GPC5: variants seen among roughly 807,000 people sequenced by gnomAD.
The protein encoded by GPC5 is glypican 5.
GPC5 carries 47 observed loss-of-function variants against 53.9 expected under a neutral mutation model. The ratio of observed to expected loss-of-function variants is 0.87; its 90% confidence interval spans 0.69 to 1.11. The LOEUF (loss-of-function observed/expected upper bound fraction) is 1.11. Ranked by LOEUF, GPC5 falls within the 50% of genes most tolerant of loss-of-function variation. The pLI is 0.00. For synonymous variants in GPC5, 286 were observed against 263.3 expected (o/e 1.09, Z -0.84); for missense variants, 748 against 713.1 (o/e 1.05, Z -0.56).
chr13:91,544,913 A>G (rs996760004), intron 2 of GPC5, among the ~76,000 whole-genome samples: 1 of 152,156 alleles, frequency 6.6e-6, no homozygotes, highest in African/African-American at 2.4e-5. Context: ...GCTTCCAGGA[A>G]GGCTCACTCA....
At chr13:92,252,190 T>A (rs2042697217) in intron 7 of GPC5, among the ~76,000 whole-genome samples, 1 of 152,112 alleles carries the variant, frequency 6.6e-6, no homozygotes, top group African/African-American at 2.4e-5. Context: ...GTACTTTTTT[T>A]AAAGAGAATA....
At chr13:92,444,064 T>A (rs528970860) in intron 7 of GPC5, among the ~76,000 whole-genome samples, 1 of 152,060 alleles carries the variant, frequency 6.6e-6, no homozygotes, top group African/African-American at 2.4e-5. Context: ...AATAATGGAG[T>A]TTGGTCGACC....
intron 4 of GPC5, among the ~76,000 whole-genome samples, chr13:91,742,581 T>G (rs975727672): frequency 6.6e-6 from 1 of 152,140 alleles, no homozygotes; most frequent in Non-Finnish European, 1.5e-5. Flanking sequence ...TTGCAGTTGG[T>G]CTTGGATGTG....
At chr13:92,012,411 C>T (rs2040669626) in intron 6 of GPC5, among the ~76,000 whole-genome samples, 1 of 152,044 alleles carries the variant, frequency 6.6e-6, no homozygotes, top group Admixed American at 6.6e-5. Flanking sequence ...AATTGTTTAT[C>T]ATCCTGATTT....
chr13:91,578,482 CA>C (rs1293135698), intron 2 of GPC5, among the ~76,000 whole-genome samples: 5 of 152,078 alleles, frequency 3.3e-5, no homozygotes, highest in African/African-American at 1.2e-4. Flanking sequence ...GGTAATTTCC[CA>C]GGATGTTCTT....
At chr13:91,567,532 G>T (rs1209766966) in intron 2 of GPC5, among the ~76,000 whole-genome samples, 2 of 152,156 alleles carry the variant, frequency 1.3e-5, no homozygotes, top group South Asian at 2.1e-4. Context: ...CTCAGGAGAG[G>T]TTTTTTAATA....
At chr13:91,704,479 C>T (rs2036056942) in intron 3 of GPC5, among the ~76,000 whole-genome samples, 1 of 152,172 alleles carries the variant, frequency 6.6e-6, no homozygotes, top group Non-Finnish European at 1.5e-5. Context: ...CATGGGGCCC[C>T]CAGGATCAGT....
At chr13:92,586,502 T>C (rs1883541838) in intron 7 of GPC5, among the ~76,000 whole-genome samples, 1 of 152,200 alleles carries the variant, frequency 6.6e-6, no homozygotes, top group Non-Finnish European at 1.5e-5. Context: ...GTTGTCCTGA[T>C]GAAATTTTGC....
At chr13:92,773,227 A>G (rs1387850679) in intron 7 of GPC5, among the ~76,000 whole-genome samples, 1 of 152,192 alleles carries the variant, frequency 6.6e-6, no homozygotes, top group Non-Finnish European at 1.5e-5. Context: ...ACATGTTTTA[A>G]TGGTAGGGCT....
intron 7 of GPC5, among the ~76,000 whole-genome samples, chr13:92,408,675 G>C (rs1367812719): frequency 6.6e-6 from 1 of 151,308 alleles, no homozygotes; most frequent in Non-Finnish European, 1.5e-5. Context: ...ATATGTATAT[G>C]TATTTATATA....
intron 2 of GPC5, among the ~76,000 whole-genome samples, chr13:91,650,393 C>T (rs957359694): frequency 1.3e-5 from 2 of 150,596 alleles, no homozygotes; most frequent in African/African-American, 2.5e-5. Context: ...AGTATGTAAA[C>T]TTGTAGTATA....
intron 6 of GPC5, among the ~76,000 whole-genome samples, chr13:91,972,121 A>C (rs552909870): frequency 0.017 from 2,621 of 151,976 alleles, 82 homozygotes; most frequent in African/African-American, 0.058. Flanking sequence ...GTAGGTCACT[A>C]AGGACTTGCT....
At chr13:91,470,575 G>A (rs1420530263) in intron 2 of GPC5, among the ~76,000 whole-genome samples, 3 of 152,120 alleles carry the variant, frequency 2.0e-5, no homozygotes, top group African/African-American at 7.2e-5. Context: ...GCATTATTCT[G>A]AATCATGCAA....
At position 92,541,230 on chromosome 13, in the gene GPC5, T is replaced by C. The variant is rs188056821; in HGVS notation, c.1562-325052T>C. On this transcript the variant is annotated intron_variant, in intron 7 of 7. Coordinates refer to ENST00000377067, the MANE Select transcript of GPC5 (RefSeq NM_004466.6). The stretch of plus-strand genomic sequence containing the variant: ...GCGTGTAAGGTGGTACATGAAAATG[T>C]AGAAATTGAATCCCTTGGGTGTTAC... 5.9e-5 allele frequency among the ~76,000 whole-genome samples: 9 copies of C among 151,966 alleles called. No homozygotes were observed. The East Asian group carries it at 1.7e-3, about 29-fold the overall frequency.
intron 1 of GPC5, among the ~76,000 whole-genome samples, chr13:91,411,714 A>G (rs1566372419): frequency 6.6e-6 from 1 of 152,196 alleles, no homozygotes; most frequent in Non-Finnish European, 1.5e-5. Context: ...TAGCTAGGGA[A>G]TATTGCATGA....
intron 7 of GPC5, among the ~76,000 whole-genome samples, chr13:92,642,148 T>TG (rs1885616260): frequency 6.6e-6 from 1 of 152,206 alleles, no homozygotes; most frequent in South Asian, 2.1e-4. Flanking sequence ...TCCTCTGCTT[T>TG]GGGTCTACCT....
At chr13:92,703,440 A>G (rs1003522054) in intron 7 of GPC5, among the ~76,000 whole-genome samples, 1 of 151,646 alleles carries the variant, frequency 6.6e-6, no homozygotes, top group Non-Finnish European at 1.5e-5. Flanking sequence ...TCTCTGGAAA[A>G]GCAATATTAT....
intron 2 of GPC5, among the ~76,000 whole-genome samples, chr13:91,608,216 G>A (rs895726891): frequency 2.6e-5 from 4 of 152,164 alleles, no homozygotes; most frequent in Non-Finnish European, 5.9e-5. Context: ...TATTTATGGA[G>A]CATCGATAAT....
chr13:91,401,520 A>G (rs1253252392), intron 1 of GPC5, among the ~76,000 whole-genome samples: 1 of 152,168 alleles, frequency 6.6e-6, no homozygotes, highest in African/African-American at 2.4e-5. Flanking sequence ...TAACAAATCT[A>G]TTCATTTAGC....
Sources: allele counts gnomAD v4.1 joint callset (sites outside exome capture counted in the v4.1 genomes callset), GRCh38; gene constraint gnomAD v4.1.1; transcripts MANE v1.5; gene names NCBI Gene and HGNC (gene_info 2026-07-23, HGNC 2026-07-21).